The following CDH11 variants were observed in gnomAD, a reference collection of about 807,000 sequenced individuals.
CDH11 encodes cadherin-11.
A neutral mutation model predicts 67.8 loss-of-function variants in CDH11; 11 were observed. The ratio of observed to expected loss-of-function variants is 0.16; its 90% CI spans 0.10 to 0.27. The LOEUF is 0.27. CDH11 is among the 10% of genes least tolerant of loss of function. CDH11 has a pLI of 1.00. For missense variants in CDH11, 847 were observed against 1,031.2 expected (o/e 0.82, Z 2.45); for synonymous variants, 419 against 400.0 (o/e 1.05, Z -0.57).
intron 2 of CDH11, among the ~76,000 whole-genome samples, chr16:65,010,936 G>A (rs188989756): frequency 2.2e-5 from 3 of 134,082 alleles, no homozygotes; most frequent in East Asian, 4.3e-4. Flanking sequence ...CACCACAACT[G>A]CATATATATG....
chr16:65,011,349 C>T (rs2073181092), intron 2 of CDH11, among the ~76,000 whole-genome samples: 1 of 152,040 alleles, frequency 6.6e-6, no homozygotes, highest in South Asian at 2.1e-4. Context: ...TGACCAACTC[C>T]AAGGATCATC....
intron 11 of CDH11, chr16:64,968,480 T>C (rs1251086533): frequency 1.0e-6 from 1 of 984,764 alleles, no homozygotes; most frequent in African/African-American, 1.7e-5. Context: ...GCACCATTCC[T>C]GATATTAACA....
At chr16:64,965,205 C>CAAAAAAAA (rs71143537) in intron 11 of CDH11, among the ~76,000 whole-genome samples, 3 of 56,956 alleles carry the variant, frequency 5.3e-5, no homozygotes, top group Non-Finnish European at 8.5e-5. Context: ...CTAAAAATAC[C>CAAAAAAAA]AAAAAAAAAA....
At chr16:64,948,959 C>T (rs756450013) in intron 12 of CDH11, among the ~76,000 whole-genome samples, 11 of 152,214 alleles carry the variant, frequency 7.2e-5, no homozygotes, top group Non-Finnish European at 1.5e-4. Flanking sequence ...TCCAGCTGAG[C>T]GCCCCTCTGG....
intron 2 of CDH11, among the ~76,000 whole-genome samples, chr16:65,040,090 C>A (rs1012914015): frequency 6.6e-6 from 1 of 152,162 alleles, no homozygotes; most frequent in African/African-American, 2.4e-5. Flanking sequence ...AATAGGAACA[C>A]TTTTACACTG....
chr16:65,003,228 T>A (rs1490064235), intron 3 of CDH11, among the ~76,000 whole-genome samples: 1 of 151,936 alleles, frequency 6.6e-6, no homozygotes, highest in Non-Finnish European at 1.5e-5. Flanking sequence ...GCATTGTTAA[T>A]AATCATCTTT....
At chr16:64,953,988 T>C (rs1472243713) in intron 11 of CDH11, among the ~76,000 whole-genome samples, 4 of 152,212 alleles carry the variant, frequency 2.6e-5, no homozygotes. Context: ...GTGGAAGTCA[T>C]AATTTAAAAT....
At chr16:65,036,296 T>G (rs1239479655) in intron 2 of CDH11, among the ~76,000 whole-genome samples, 1 of 152,162 alleles carries the variant, frequency 6.6e-6, no homozygotes, top group Admixed American at 6.5e-5. Context: ...TTTTATTTCC[T>G]GCTTTACCCC....
intron 11 of CDH11, among the ~76,000 whole-genome samples, chr16:64,966,093 C>G (rs1216799750): frequency 6.6e-6 from 1 of 151,776 alleles, no homozygotes; most frequent in Non-Finnish European, 1.5e-5. Context: ...CCTCAAAAGC[C>G]AGAAAAATGA....
chr16:65,067,636 G>A (rs540759641), intron 1 of CDH11, among the ~76,000 whole-genome samples: 164 of 151,850 alleles, frequency 1.1e-3, no homozygotes, highest in Middle Eastern at 6.8e-3. Context: ...TGTATATCAA[G>A]TATTTCTATG....
At chr16:64,980,190 A>C (rs2072294283) in intron 8 of CDH11, among the ~76,000 whole-genome samples, 1 of 152,184 alleles carries the variant, frequency 6.6e-6, no homozygotes, top group South Asian at 2.1e-4. Context: ...AAAAACCAAT[A>C]AATTGTACAA....
intron 2 of CDH11, among the ~76,000 whole-genome samples, chr16:65,046,735 T>C (rs534035100): frequency 6.6e-6 from 1 of 152,218 alleles, no homozygotes; most frequent in Non-Finnish European, 1.5e-5. Flanking sequence ...TAGGTTTGGA[T>C]AGTTTTAAAA....
intron 1 of CDH11, among the ~76,000 whole-genome samples, chr16:65,095,974 G>A (rs1185282495): frequency 1.3e-5 from 2 of 152,128 alleles, no homozygotes; most frequent in Non-Finnish European, 1.5e-5. Flanking sequence ...AATTGAAAAT[G>A]AATACAATTT....
At chr16:65,113,189 G>A (rs985156405) in intron 1 of CDH11, among the ~76,000 whole-genome samples, 2 of 151,978 alleles carry the variant, frequency 1.3e-5, no homozygotes, top group African/African-American at 2.4e-5. Context: ...TGGAAGCTGA[G>A]GCAGGAGAAT....
At chr16:65,013,650 C>A (rs2073229148) in intron 2 of CDH11, among the ~76,000 whole-genome samples, 1 of 151,960 alleles carries the variant, frequency 6.6e-6, no homozygotes, top group African/African-American at 2.4e-5. Flanking sequence ...TGGTGAAACC[C>A]AGTTTCTACT....
At chr16:65,057,805 A>G (rs191903688) in intron 1 of CDH11, among the ~76,000 whole-genome samples, 1 of 152,348 alleles carries the variant, frequency 6.6e-6, no homozygotes, top group African/African-American at 2.4e-5. Context: ...GCAAGGAAGT[A>G]GCATAACTGG....
intron 1 of CDH11, chr16:65,094,985 T>A (rs1270651612): frequency 6.6e-6 from 1 of 152,122 alleles, no homozygotes; most frequent in Non-Finnish European, 1.5e-5. Flanking sequence ...GACATACATA[T>A]CTCTATACAG....
At chr16:65,085,748 G>A (rs1052590622) in intron 1 of CDH11, among the ~76,000 whole-genome samples, 1 of 152,206 alleles carries the variant, frequency 6.6e-6, no homozygotes, top group African/African-American at 2.4e-5. Flanking sequence ...CAATTCATAT[G>A]TGTGGTTACG....
At chr16:64,948,742 C>G (rs1435059813) in intron 12 of CDH11, 1 of 1,603,122 alleles carries the variant, frequency 6.2e-7, no homozygotes, top group East Asian at 2.2e-5. Context: ...ATAAAGCAAT[C>G]TCATGTCTTC....
Sources: allele counts gnomAD v4.1 joint callset (sites outside exome capture counted in the v4.1 genomes callset), GRCh38; gene constraint gnomAD v4.1.1; transcripts MANE v1.5; gene names NCBI Gene and HGNC (gene_info 2026-07-23, HGNC 2026-07-21).